EFCAB13: variants seen among roughly 807,000 people sequenced by gnomAD.
EFCAB13 encodes EF-hand calcium binding domain 13, also known as EF-hand calcium-binding domain-containing protein 13.
EFCAB13 carries 91 observed loss-of-function variants against 110.2 expected under a neutral mutation model. The observed-to-expected ratio is 0.83, with a 90% CI of 0.70 to 0.98. EFCAB13 has a LOEUF of 0.98. EFCAB13 is among the 50% of genes least tolerant of loss of function. The pLI, the probability that EFCAB13 is intolerant of heterozygous loss-of-function variation, is 0.00. For synonymous variants in EFCAB13, 323 were observed against 369.9 expected, an observed-to-expected ratio of 0.87 and a Z score of 1.45; for missense variants, 968 against 1,119.4, an observed-to-expected ratio of 0.86 and a Z score of 1.93.
chr17:47,424,372 A>C (rs1282811456), intron 23 of EFCAB13, among the ~76,000 whole-genome samples: 2 of 152,222 alleles, frequency 1.3e-5, no homozygotes, highest in East Asian at 1.9e-4. Context: ...GAAGCTGTGG[A>C]TCATAGTTCC....
chr17:47,400,815 C>T (rs74486853), intron 17 of EFCAB13, among the ~76,000 whole-genome samples: 3,240 of 152,274 alleles, frequency 0.021, 113 homozygotes, highest in East Asian at 0.18. Flanking sequence ...GTACCCGTTG[C>T]CTACTTTAAG....
chr17:47,423,854 C>G (rs1055368884), intron 23 of EFCAB13, among the ~76,000 whole-genome samples: 1 of 151,990 alleles, frequency 6.6e-6, no homozygotes, highest in Non-Finnish European at 1.5e-5. Context: ...CCGTGTAGAC[C>G]TAGACCTTTA....
At chr17:47,358,207 T>G (rs1342229528) in intron 9 of EFCAB13, among the ~76,000 whole-genome samples, 1 of 152,172 alleles carries the variant, frequency 6.6e-6, no homozygotes, top group Non-Finnish European at 1.5e-5. Flanking sequence ...TTATGTTTTG[T>G]CAAGGCAAAA....
At position 47,367,835 on chromosome 17, in the gene EFCAB13, G is replaced by A. The variant is rs114310019; in HGVS notation, c.806-2602G>A. On this transcript the variant is annotated intron_variant, in intron 10 of 24. Coordinates refer to ENST00000331493, the MANE Select transcript of EFCAB13 (RefSeq NM_152347.5). ...TGTCCCTCGAGAAGTACTGGGCAGTGCTGCAGGGAAGCTAGATCAGCTCCA... is the reference window on the plus strand; with the variant it reads ...TGTCCCTCGAGAAGTACTGGGCAGTACTGCAGGGAAGCTAGATCAGCTCCA... Among the ~76,000 whole-genome samples, 548 of 152,308 alleles carry A rather than the reference G, an allele frequency of 3.6e-3. 1 individual carries two copies. Among genetic ancestry groups the A allele is most frequent in the African/African-American group, 0.012 (505 of 41,562 alleles).
At chr17:47,362,747 G>GCTGTCTGTCTGT (rs1018853219) in intron 10 of EFCAB13, among the ~76,000 whole-genome samples, 2 of 152,178 alleles carry the variant, frequency 1.3e-5, no homozygotes, top group Admixed American at 6.5e-5. Flanking sequence ...AATGGCGTAA[G>GCTGTCTGTCTGT]CTGTCTGTCT....
intron 11 of EFCAB13, among the ~76,000 whole-genome samples, chr17:47,370,724 TG>T (rs2065577373): frequency 6.7e-6 from 1 of 149,416 alleles, no homozygotes; most frequent in African/African-American, 2.5e-5. Flanking sequence ...AGTTTTTTGT[TG>T]TTGTTGTTGT....
At chr17:47,360,702 TGCC>T (rs2065507917) in intron 9 of EFCAB13, among the ~76,000 whole-genome samples, 1 of 152,178 alleles carries the variant, frequency 6.6e-6, no homozygotes, top group African/African-American at 2.4e-5. Flanking sequence ...TCCTCGCCCA[TGCC>T]TATGTCCTGA....
At chr17:47,378,708 A>G (rs1039278071) in intron 13 of EFCAB13, among the ~76,000 whole-genome samples, 2 of 152,302 alleles carry the variant, frequency 1.3e-5, no homozygotes, top group African/African-American at 2.4e-5. Context: ...ATTGGACCAC[A>G]TGGATACTAG....
intron 20 of EFCAB13, 91 bp downstream of exon 20, chr17:47,404,724 C>T (rs1249474912): frequency 4.3e-6 from 4 of 935,134 alleles, no homozygotes; most frequent in African/African-American, 1.7e-5. Context: ...GTGTTTAAAT[C>T]TTCTTTATAG....
intron 8 of EFCAB13, among the ~76,000 whole-genome samples, chr17:47,345,622 C>A (rs1278188475): frequency 6.6e-6 from 1 of 152,156 alleles, no homozygotes; most frequent in Non-Finnish European, 1.5e-5. Flanking sequence ...ACGTTCAAAA[C>A]CAATAATTTT....
intron 5 of EFCAB13, among the ~76,000 whole-genome samples, chr17:47,337,195 G>A (rs1205397752): frequency 6.6e-6 from 1 of 152,214 alleles, no homozygotes; most frequent in Non-Finnish European, 1.5e-5. Flanking sequence ...GGAAGGTCGT[G>A]GGAGCATCCC....
intron 18 of EFCAB13, 88 bp downstream of exon 18, chr17:47,402,291 T>G (rs2065783359): frequency 1.7e-6 from 2 of 1,191,056 alleles, no homozygotes. Flanking sequence ...TGTGTTCACC[T>G]AATTTCTGGT....
At chr17:47,384,367 T>G (rs753059014) in intron 14 of EFCAB13, among the ~76,000 whole-genome samples, 1 of 152,124 alleles carries the variant, frequency 6.6e-6, no homozygotes, top group Non-Finnish European at 1.5e-5. Context: ...GCTAGCTGGT[T>G]ATTTTGAACA....
chr17:47,342,151 G>T, intron 6 of EFCAB13, 119 bp downstream of exon 6: 2 of 579,894 alleles, frequency 3.4e-6, no homozygotes, highest in Admixed American at 3.9e-5. Context: ...ATCACTACCT[G>T]GTCTTGCTTC....
At chr17:47,348,355 C>CT (rs1217338687) in intron 9 of EFCAB13, among the ~76,000 whole-genome samples, 1 of 151,904 alleles carries the variant, frequency 6.6e-6, no homozygotes, top group Non-Finnish European at 1.5e-5. Flanking sequence ...TTCTGTTTTC[C>CT]CCAACCTGAG....
At position 47,326,332 on chromosome 17, in the gene EFCAB13, A is replaced by G. The variant is rs573679857; in HGVS notation, c.-141A>G. 6.6e-6 allele frequency: 1 copy of G among 152,306 alleles called. No homozygotes were observed. The highest frequency in any genetic ancestry group is 1.5e-5 in the Non-Finnish European group (1 of 68,016). 9.4% of individuals were successfully genotyped at this position (152,306 alleles called of 1,614,324 possible). ...AGAACAATTGTTCCTTTCAAGATTT[A>G]TTCAAAACGTGTCAACTCTGCTTAA... On this transcript the variant is annotated 5_prime_UTR_variant, in exon 3 of 25. Coordinates refer to ENST00000331493, the MANE Select transcript of EFCAB13 (RefSeq NM_152347.5).
intron 10 of EFCAB13, among the ~76,000 whole-genome samples, chr17:47,367,738 C>A (rs1370763575): frequency 6.6e-6 from 1 of 152,138 alleles, no homozygotes; most frequent in East Asian, 1.9e-4. Context: ...AACTGAACTT[C>A]TTTTTCCAAA....
At chr17:47,360,412 C>A (rs2065506233) in intron 9 of EFCAB13, among the ~76,000 whole-genome samples, 1 of 152,178 alleles carries the variant, frequency 6.6e-6, no homozygotes, top group African/African-American at 2.4e-5. Flanking sequence ...CTTTTGGCTG[C>A]ATAAATGTCT....
chr17:47,377,496 T>G (rs2143371177), intron 12 of EFCAB13, among the ~76,000 whole-genome samples: 2 of 152,296 alleles, frequency 1.3e-5, no homozygotes, highest in South Asian at 4.1e-4. Context: ...GCAAGCAGCA[T>G]TGGCTGGGCC....
Sources: gnomAD v4.1 joint callset for allele counts (sites outside exome capture counted in the v4.1 genomes callset) on GRCh38, gnomAD v4.1.1 for gene constraint, MANE v1.5 for transcripts, NCBI Gene and HGNC (gene_info 2026-07-23, HGNC 2026-07-21) for gene names.